Variants in NFIA observed in about 807,000 individuals in gnomAD.
NFIA encodes the protein nuclear factor I A, also known as nuclear factor 1 A-type.
In NFIA, 8 loss-of-function variants were observed where a neutral mutation model predicts 62.8. The observed-to-expected ratio is 0.13, with a 90% confidence interval of 0.07 to 0.23. The LOEUF (loss-of-function observed/expected upper bound fraction) is 0.23, where lower values mean the gene tolerates loss of function less well. Ranked by LOEUF, NFIA falls within the 10% of genes least tolerant of loss-of-function variation. The pLI, the probability that NFIA is intolerant of heterozygous loss-of-function variation, is 1.00. For missense variants in NFIA, 410 were observed against 642.1 expected (o/e 0.64, Z 3.91); for synonymous variants, 235 against 238.1 (o/e 0.99, Z 0.12).
intron 2 of NFIA, among the ~76,000 whole-genome samples, chr1:61,133,187 G>C (rs1216664836): frequency 2.0e-5 from 3 of 150,900 alleles, no homozygotes; most frequent in Non-Finnish European, 2.9e-5. Context: ...TCAAATAGAT[G>C]TTACTTTGCT....
At chr1:61,240,609 A>G (rs1237211081) in intron 2 of NFIA, among the ~76,000 whole-genome samples, 1 of 152,102 alleles carries the variant, frequency 6.6e-6, no homozygotes, top group African/African-American at 2.4e-5. Context: ...AGTATACATG[A>G]AAGTGTTATT....
At position 61,189,003 on chromosome 1, in the gene NFIA, A is replaced by G. The variant is rs537409736; in HGVS notation, c.560-88517A>G. On this transcript the variant is annotated intron_variant, in intron 2 of 10. Transcript: ENST00000403491. ...ATGATTTATATAAAAAATGGCCAGT[A>G]TGGTGTCTCTTAAAAATTGTGGGGC... Among the ~76,000 whole-genome samples the G allele has an allele frequency of 6.6e-5, 10 of 152,292 alleles. No individual in the cohort carries two copies. In the East Asian group the frequency reaches 1.9e-3, roughly 29 times the overall value.
At chr1:61,083,215 C>T (rs553383645) in intron 1 of NFIA, among the ~76,000 whole-genome samples, 1 of 152,160 alleles carries the variant, frequency 6.6e-6, no homozygotes, top group South Asian at 2.1e-4. Context: ...GTTTCTGCTG[C>T]CGGGAGCAGG....
At chr1:61,294,848 C>T (rs1350262255) in intron 3 of NFIA, among the ~76,000 whole-genome samples, 2 of 152,124 alleles carry the variant, frequency 1.3e-5, no homozygotes, top group Admixed American at 6.5e-5. Flanking sequence ...CAGTGCTGTC[C>T]GTATTCAGTG....
At chr1:61,439,359 C>CT (rs1417635591) in intron 10 of NFIA, 6 of 152,068 alleles carry the variant, frequency 3.9e-5, no homozygotes, top group Non-Finnish European at 7.3e-5. Flanking sequence ...CCTCCCCCGC[C>CT]TTTTTTTTCC....
At chr1:61,261,252 C>A (rs907138483) in intron 2 of NFIA, among the ~76,000 whole-genome samples, 3 of 152,332 alleles carry the variant, frequency 2.0e-5, no homozygotes, top group African/African-American at 7.2e-5. Context: ...CTTTTCCCCT[C>A]TGTTGCACTC....
chr1:61,227,877 G>T (rs1318213920), intron 2 of NFIA, among the ~76,000 whole-genome samples: 1 of 152,198 alleles, frequency 6.6e-6, no homozygotes, highest in African/African-American at 2.4e-5. Context: ...GAGGAAAGCT[G>T]TGAATATTTA....
intron 2 of NFIA, among the ~76,000 whole-genome samples, chr1:61,155,698 T>G (rs1347996050): frequency 1.0e-5 from 1 of 97,710 alleles, no homozygotes; most frequent in Non-Finnish European, 2.2e-5. Flanking sequence ...AAAAAAAAAA[T>G]CTAGAGTTGA....
At chr1:61,142,497 A>G (rs1335940729) in intron 2 of NFIA, among the ~76,000 whole-genome samples, 1 of 152,214 alleles carries the variant, frequency 6.6e-6, no homozygotes, top group Non-Finnish European at 1.5e-5. Flanking sequence ...ATTTTTGCCC[A>G]TATTGAAACT....
chr1:61,088,624 T>C lies in NFIA; in HGVS notation c.503T>C (p.Ile168Thr). 6.2e-7 allele frequency: 1 copy of C among 1,614,080 alleles called. No homozygotes were observed. Among genetic ancestry groups the C allele is most frequent in the Non-Finnish European group, 8.5e-7 (1 of 1,179,944 alleles). The stretch of plus-strand genomic sequence containing the variant: ...GGGCTCTGTGTCCAACCCCATCACA[T>C]AGGGGTTTCTGTTAAGGAACTCGAT... ...NPGLCVQPHHIGVSVKELDLY... is the reference protein window; with the variant it reads ...NPGLCVQPHHTGVSVKELDLY... Residue 168 changes from isoleucine (I) to threonine (T), a missense_variant, in exon 2 of 11, where the codon ATA (isoleucine) becomes ACA (threonine). Physicochemically the swap from Ile to Thr is moderately conservative, Grantham distance 89 (BLOSUM62 -1). Around this residue, in one of 3 missense-constraint regions of NFIA, gnomAD observed 298 missense variants for 438.1 expected, o/e 0.68. Coordinates refer to ENST00000403491, the MANE Select transcript of NFIA (RefSeq NM_001134673.4). The surrounding 1 kb of genome is among the most constrained non-coding windows in gnomAD (Gnocchi z 4.5).
chr1:61,227,507 G>A (rs1424224386), intron 2 of NFIA, among the ~76,000 whole-genome samples: 3 of 152,138 alleles, frequency 2.0e-5, no homozygotes, highest in Non-Finnish European at 4.4e-5. Flanking sequence ...TTTCATCAGG[G>A]CGTAAAAATT....
At chr1:61,372,416 T>C (rs1467864879) in intron 6 of NFIA, among the ~76,000 whole-genome samples, 1 of 152,080 alleles carries the variant, frequency 6.6e-6, no homozygotes, top group Non-Finnish European at 1.5e-5. Context: ...GATCATTACA[T>C]TGTCACAAAG....
At chr1:61,136,425 A>T (rs1459201784) in intron 2 of NFIA, among the ~76,000 whole-genome samples, 1 of 152,176 alleles carries the variant, frequency 6.6e-6, no homozygotes, top group Non-Finnish European at 1.5e-5. Flanking sequence ...TAATTAGACA[A>T]ATTATACGCA....
chr1:61,083,124 T>C (rs1646147088), intron 1 of NFIA, among the ~76,000 whole-genome samples: 1 of 152,170 alleles, frequency 6.6e-6, no homozygotes, highest in Non-Finnish European at 1.5e-5. Context: ...GGCGACGGAC[T>C]GCGGAACAGC....
chr1:61,368,525 AT>A, intron 6 of NFIA, among the ~76,000 whole-genome samples: 1 of 152,318 alleles, frequency 6.6e-6, no homozygotes, highest in Admixed American at 6.5e-5. Flanking sequence ...ACTTCTCTGA[AT>A]TTTCATTTCC....
intron 10 of NFIA, among the ~76,000 whole-genome samples, chr1:61,433,688 A>G (rs1365855281): frequency 1.3e-5 from 2 of 152,166 alleles, no homozygotes; most frequent in South Asian, 2.1e-4. Flanking sequence ...TTTCTGGATT[A>G]CAAAGTATTT....
chr1:61,104,849 T>G (rs994188230), intron 2 of NFIA, among the ~76,000 whole-genome samples: 1 of 152,060 alleles, frequency 6.6e-6, no homozygotes, highest in Admixed American at 6.6e-5. Flanking sequence ...AGACTGAGAA[T>G]AATTGTCTTC....
intron 9 of NFIA, among the ~76,000 whole-genome samples, chr1:61,408,238 AAACCC>A (rs1665940533): frequency 6.6e-6 from 1 of 152,348 alleles, no homozygotes; most frequent in East Asian, 1.9e-4. Flanking sequence ...ACAAAGGAGA[AAACCC>A]TCAGTGTCCA....
chr1:61,100,213 A>G (rs190610048), intron 2 of NFIA, among the ~76,000 whole-genome samples: 1 of 152,328 alleles, frequency 6.6e-6, no homozygotes, highest in Admixed American at 6.5e-5. Flanking sequence ...TGAGGATTCT[A>G]AGTCCATGCA....
Sources: allele counts gnomAD v4.1 joint callset (sites outside exome capture counted in the v4.1 genomes callset), GRCh38; gene constraint gnomAD v4.1.1; regional missense constraint gnomAD v4.1.1; non-coding constraint Gnocchi (gnomAD v3.1); transcripts MANE v1.5; gene names NCBI Gene and HGNC (gene_info 2026-07-23, HGNC 2026-07-21).